Variants in DNAJB4 observed in about 807,000 individuals in gnomAD.
DNAJB4 encodes the protein DnaJ heat shock protein family (Hsp40) member B4.
A neutral mutation model predicts 26.6 loss-of-function variants in DNAJB4; 10 were observed. That is an observed-to-expected ratio of 0.38 (90% CI 0.23 to 0.64). The LOEUF is 0.64. DNAJB4 is among the 30% of genes least tolerant of loss of function. The pLI is 0.58. For synonymous variants in DNAJB4, 136 were observed against 134.8 expected (o/e 1.01, Z -0.06); for missense variants, 328 against 408.2 (o/e 0.80, Z 1.69).
At chr1:78,008,630 A>G (rs999543532) in intron 1 of DNAJB4, among the ~76,000 whole-genome samples, 3 of 152,192 alleles carry the variant, frequency 2.0e-5, no homozygotes, top group Admixed American at 2.0e-4. Context: ...ATTCTTTGGA[A>G]TGATGGAAAT....
At chr1:77,998,350 T>C (rs1351603976) in intron 1 of DNAJB4, among the ~76,000 whole-genome samples, 1 of 152,210 alleles carries the variant, frequency 6.6e-6, no homozygotes, top group African/African-American at 2.4e-5. Flanking sequence ...TCAGATACTG[T>C]TGACAAATTC....
At position 78,016,115 on chromosome 1, in the gene DNAJB4, T is replaced by G. The variant is rs1438052956; in HGVS notation, c.882T>G (p.Ile294Met). The change falls in exon 3 of 3, where the codon ATT becomes ATG. Residue 294 changes from isoleucine to methionine, a missense_variant. Coordinates refer to ENST00000370763, the MANE Select transcript of DNAJB4 (RefSeq NM_007034.5). ...IVKPGMRRRI[I>M]GYGLPFPKNP... ...AACCCGGAATGAGGAGAAGAATTAT[T>G]GGATATGGGCTGCCATTTCCAAAAA... 1.9e-6 allele frequency: 3 copies of G among 1,614,142 alleles called. No individual in the cohort carries two copies. The highest frequency in any genetic ancestry group is 1.7e-6 in the Non-Finnish European group (2 of 1,180,022).
chr1:78,015,649 A>C (rs1393069514), intron 2 of DNAJB4, among the ~76,000 whole-genome samples: 1 of 147,364 alleles, frequency 6.8e-6, no homozygotes, highest in African/African-American at 2.5e-5. Context: ...TGCTGAGTTC[A>C]AGTGATTCTC....
Position 78,016,168 on chromosome 1 carries a change from T to C in DNAJB4, c.935T>C (p.Ile312Thr). Reference protein sequence around the residue: ...KNPDQRGDLLIEFEVSFPDTI... With the variant: ...KNPDQRGDLLTEFEVSFPDTI... ...CCTGACCAACGTGGTGACCTTCTAA[T>C]AGAATTTGAGGTGTCCTTCCCAGAT... is the stretch of plus-strand genomic sequence containing the variant. Residue 312 changes from isoleucine (I) to threonine (T), a missense_variant, in exon 3 of 3, where the codon ATA becomes ACA. Ile to Thr is a moderately conservative substitution (Grantham distance 89). Transcript: ENST00000370763. 6.2e-7 allele frequency: 1 copy of C among 1,614,144 alleles called. No homozygotes were observed. Among genetic ancestry groups the C allele is most frequent in the Non-Finnish European group, 8.5e-7 (1 of 1,180,010 alleles).
At chr1:77,992,035 A>C (rs910880961) in intron 1 of DNAJB4, among the ~76,000 whole-genome samples, 1 of 152,210 alleles carries the variant, frequency 6.6e-6, no homozygotes, top group African/African-American at 2.4e-5. Context: ...GTGATTCACT[A>C]TTCTCTAATT....
chr1:77,988,181 C>G (rs1659845802), intron 1 of DNAJB4, among the ~76,000 whole-genome samples: 1 of 151,842 alleles, frequency 6.6e-6, no homozygotes, highest in Non-Finnish European at 1.5e-5. Flanking sequence ...GCCACCATAT[C>G]TGGCTGACAT....
chr1:78,014,617 G>T (rs1660584765), intron 2 of DNAJB4, among the ~76,000 whole-genome samples: 1 of 151,188 alleles, frequency 6.6e-6, no homozygotes. Flanking sequence ...TTATTTTTTT[G>T]AGATGGAGTC....
At chr1:77,983,766 A>G (rs1659726494) in intron 1 of DNAJB4, among the ~76,000 whole-genome samples, 1 of 152,168 alleles carries the variant, frequency 6.6e-6, no homozygotes, top group Non-Finnish European at 1.5e-5. Flanking sequence ...ACAGAACAAA[A>G]TGGAGTCTCC....
At chr1:77,984,106 C>T (rs1659736141) in intron 1 of DNAJB4, among the ~76,000 whole-genome samples, 1 of 152,154 alleles carries the variant, frequency 6.6e-6, no homozygotes, top group Admixed American at 6.5e-5. Flanking sequence ...CTTAACCAAT[C>T]AGAAACTGCC....
chr1:77,998,345 T>A (rs1660113082), intron 1 of DNAJB4, among the ~76,000 whole-genome samples: 1 of 152,206 alleles, frequency 6.6e-6, no homozygotes, highest in African/African-American at 2.4e-5. Flanking sequence ...GACAGTCAGA[T>A]ACTGTTGACA....
At chr1:77,997,989 G>C (rs191284162) in intron 1 of DNAJB4, among the ~76,000 whole-genome samples, 33 of 152,184 alleles carry the variant, frequency 2.2e-4, no homozygotes, top group African/African-American at 7.7e-4. Flanking sequence ...CGTGTTGGCT[G>C]GTCTTGAACT....
At chr1:77,979,308 T>C (rs1004394737), upstream of DNAJB4, 1 of 368,020 alleles carries the variant, frequency 2.7e-6, no homozygotes, top group Non-Finnish European at 5.0e-6. Flanking sequence ...GGCTGGGTAA[T>C]TGTTCCTGCA....
intron 1 of DNAJB4, among the ~76,000 whole-genome samples, chr1:77,983,151 A>C (rs972641104): frequency 6.6e-6 from 1 of 152,236 alleles, no homozygotes; most frequent in Non-Finnish European, 1.5e-5. Flanking sequence ...TTTGCATCAT[A>C]GACAAGGTAA....
At chr1:78,008,535 G>A (rs1263206516) in intron 1 of DNAJB4, among the ~76,000 whole-genome samples, 1 of 152,168 alleles carries the variant, frequency 6.6e-6, no homozygotes, top group African/African-American at 2.4e-5. Context: ...TCTGGAAAAG[G>A]CCAGTATATA....
chr1:78,015,618 C>T (rs1430326550), intron 2 of DNAJB4, among the ~76,000 whole-genome samples: 2 of 136,414 alleles, frequency 1.5e-5, no homozygotes, highest in East Asian at 2.1e-4. Flanking sequence ...GGCACGATCT[C>T]GGCTCACTGC....
chr1:77,982,244 T>A (rs1033353630), intron 1 of DNAJB4, among the ~76,000 whole-genome samples: 2 of 152,244 alleles, frequency 1.3e-5, no homozygotes, highest in African/African-American at 4.8e-5. Context: ...TACAAAACTT[T>A]GGTTTTACAT....
intron 1 of DNAJB4, among the ~76,000 whole-genome samples, chr1:77,988,466 C>G (rs1468147762): frequency 6.6e-6 from 1 of 152,194 alleles, no homozygotes; most frequent in African/African-American, 2.4e-5. Context: ...CTACAAGCCT[C>G]TGTATTGCAT....
At chr1:77,993,276 T>C (rs1659980168) in intron 1 of DNAJB4, among the ~76,000 whole-genome samples, 2 of 152,116 alleles carry the variant, frequency 1.3e-5, no homozygotes, top group African/African-American at 4.8e-5. Flanking sequence ...AGACATTAGG[T>C]ATTACTTTAT....
chr1:78,005,055 G>C lies in DNAJB4; in HGVS notation c.-56G>C, dbSNP rs1660293315. ...TTTCTTAGAATCTGTTGCTAAGACT[G>C]GGGACGCTGTTTTCTTTTACAAAGG... On this transcript the variant is annotated 5_prime_UTR_variant, in exon 1 of 3. Transcript: ENST00000370763. 4.6e-6 allele frequency: 7 copies of C among 1,538,040 alleles called. No homozygotes were observed. Among genetic ancestry groups the C allele is most frequent in the Admixed American group, 3.7e-5 (2 of 53,940 alleles).
Sources: allele counts gnomAD v4.1 joint callset (sites outside exome capture counted in the v4.1 genomes callset), GRCh38; gene constraint gnomAD v4.1.1; transcripts MANE v1.5; gene names NCBI Gene and HGNC (gene_info 2026-07-23, HGNC 2026-07-21).